Variants in GPC5 observed in about 807,000 individuals in gnomAD.
GPC5 encodes glypican-5.
A neutral mutation model predicts 53.9 loss-of-function variants in GPC5; 47 were observed. The ratio of observed to expected loss-of-function variants is 0.87; its 90% CI spans 0.69 to 1.11. The LOEUF is 1.11. GPC5 is among the 50% of genes most tolerant of loss of function. GPC5 has a pLI of 0.00. For missense variants in GPC5, 748 were observed against 713.1 expected, an observed-to-expected ratio of 1.05 and a Z score of -0.56; for synonymous variants, 286 against 263.3, an observed-to-expected ratio of 1.09 and a Z score of -0.84.
intron 7 of GPC5, among the ~76,000 whole-genome samples, chr13:92,683,828 T>C (rs1887175495): frequency 6.6e-6 from 1 of 152,134 alleles, no homozygotes; most frequent in Admixed American, 6.5e-5. Context: ...TCCACCCCCA[T>C]TTCTCCTATT....
intron 1 of GPC5, among the ~76,000 whole-genome samples, chr13:91,405,802 ACT>A (rs758920384): frequency 6.6e-6 from 1 of 152,072 alleles, no homozygotes; most frequent in Non-Finnish European, 1.5e-5. Flanking sequence ...ACAGGGTCTC[ACT>A]CTGTCACCCA....
intron 2 of GPC5, among the ~76,000 whole-genome samples, chr13:91,557,922 C>G (rs1215804849): frequency 6.6e-6 from 1 of 152,000 alleles, no homozygotes; most frequent in Non-Finnish European, 1.5e-5. Flanking sequence ...CTTAAAGTCC[C>G]CAAGGACTAC....
At chr13:92,643,161 C>T (rs1340006882) in intron 7 of GPC5, among the ~76,000 whole-genome samples, 1 of 151,966 alleles carries the variant, frequency 6.6e-6, no homozygotes, top group Non-Finnish European at 1.5e-5. Context: ...AAATTTTCTC[C>T]CATTTTGTAG....
chr13:92,027,381 T>C (rs2040809144), intron 6 of GPC5, among the ~76,000 whole-genome samples: 1 of 152,160 alleles, frequency 6.6e-6, no homozygotes, highest in Non-Finnish European at 1.5e-5. Context: ...CCAATTTTTT[T>C]CTCATCAAAA....
At chr13:91,954,417 A>G (rs138254587) in intron 6 of GPC5, among the ~76,000 whole-genome samples, 1 of 152,208 alleles carries the variant, frequency 6.6e-6, no homozygotes, top group African/African-American at 2.4e-5. Context: ...CAGAGATGCA[A>G]GCTTGGTTTG....
At chr13:91,792,017 G>T (rs972121245) in intron 5 of GPC5, among the ~76,000 whole-genome samples, 3 of 152,124 alleles carry the variant, frequency 2.0e-5, no homozygotes, top group African/African-American at 7.2e-5. Flanking sequence ...CTTTCATAAC[G>T]AATTCCATGC....
chr13:91,843,041 C>T (rs1386455548), intron 5 of GPC5, among the ~76,000 whole-genome samples: 3 of 151,892 alleles, frequency 2.0e-5, no homozygotes, highest in Non-Finnish European at 2.9e-5. Flanking sequence ...CTATTTTTAA[C>T]GGTTATTTGA....
intron 7 of GPC5, among the ~76,000 whole-genome samples, chr13:92,545,526 A>G (rs1172668268): frequency 1.3e-5 from 2 of 152,168 alleles, no homozygotes; most frequent in South Asian, 2.1e-4. Context: ...ACTAGTTTAT[A>G]GTCCCACCAA....
At chr13:92,475,962 C>G (rs1319712412) in intron 7 of GPC5, among the ~76,000 whole-genome samples, 1 of 152,086 alleles carries the variant, frequency 6.6e-6, no homozygotes, top group African/African-American at 2.4e-5. Flanking sequence ...CTAGGCATTA[C>G]CATTCAGGAC....
At chr13:92,826,122 G>C (rs896334181) in intron 7 of GPC5, among the ~76,000 whole-genome samples, 2 of 152,076 alleles carry the variant, frequency 1.3e-5, no homozygotes, top group Non-Finnish European at 2.9e-5. Context: ...GGCAAGGCTT[G>C]TGAACATGAT....
intron 2 of GPC5, among the ~76,000 whole-genome samples, chr13:91,628,867 T>G (rs2139412247): frequency 6.6e-6 from 1 of 152,300 alleles, no homozygotes; most frequent in South Asian, 2.1e-4. Context: ...GGGCTCAAGA[T>G]TCTGCATTTC....
intron 7 of GPC5, among the ~76,000 whole-genome samples, chr13:92,184,572 A>G (rs541232202): frequency 6.6e-6 from 1 of 152,322 alleles, no homozygotes; most frequent in Non-Finnish European, 1.5e-5. Context: ...ACTACCTAGG[A>G]ATCCCCAGTG....
At chr13:92,368,300 A>G (rs899888632) in intron 7 of GPC5, among the ~76,000 whole-genome samples, 1 of 151,352 alleles carries the variant, frequency 6.6e-6, no homozygotes, top group Admixed American at 6.6e-5. Context: ...ACCTTTTACT[A>G]TCACCAGTAA....
intron 6 of GPC5, among the ~76,000 whole-genome samples, chr13:91,991,470 A>G (rs1430531390): frequency 6.6e-5 from 10 of 152,194 alleles, no homozygotes; most frequent in East Asian, 3.9e-4. Context: ...TATCTTTCAT[A>G]TGGGCTCATT....
At chr13:91,534,422 A>G (rs971924025) in intron 2 of GPC5, among the ~76,000 whole-genome samples, 6 of 152,226 alleles carry the variant, frequency 3.9e-5, no homozygotes, top group African/African-American at 1.4e-4. Flanking sequence ...AAGAGAAATG[A>G]AATGATTTTA....
At chr13:92,785,459 T>C (rs540268516) in intron 7 of GPC5, among the ~76,000 whole-genome samples, 1 of 152,272 alleles carries the variant, frequency 6.6e-6, no homozygotes, top group Admixed American at 6.5e-5. Context: ...AAAACTAATC[T>C]TCCTAATTCA....
At chr13:91,430,171 C>T (rs1348092820) in intron 1 of GPC5, among the ~76,000 whole-genome samples, 1 of 152,128 alleles carries the variant, frequency 6.6e-6, no homozygotes, top group Non-Finnish European at 1.5e-5. Flanking sequence ...TAAGGTTCCT[C>T]TAGAAACCCA....
chr13:92,598,311 G>A (rs1883940460), intron 7 of GPC5, among the ~76,000 whole-genome samples: 2 of 152,288 alleles, frequency 1.3e-5, no homozygotes, highest in African/African-American at 2.4e-5. Context: ...AGGTTGGACT[G>A]TAGCAGAATA....
intron 1 of GPC5, among the ~76,000 whole-genome samples, chr13:91,438,322 C>G (rs1276026305): frequency 1.3e-5 from 2 of 152,070 alleles, no homozygotes; most frequent in Non-Finnish European, 2.9e-5. Flanking sequence ...ATGATTGTGA[C>G]GTACAAATGG....
Sources: allele counts gnomAD v4.1 joint callset (sites outside exome capture counted in the v4.1 genomes callset), GRCh38; gene constraint gnomAD v4.1.1; transcripts MANE v1.5; gene names NCBI Gene and HGNC (gene_info 2026-07-23, HGNC 2026-07-21).